UGT1A7: variants seen among roughly 807,000 people sequenced by gnomAD.
UGT1A7 encodes the protein UDP glucuronosyltransferase family 1 member A7.
In UGT1A7, 33 loss-of-function variants were observed where a neutral mutation model predicts 45.6. The ratio of observed to expected loss-of-function variants is 0.72; its 90% CI spans 0.55 to 0.97. UGT1A7 has a LOEUF of 0.97. UGT1A7 is among the 50% of genes least tolerant of loss of function. UGT1A7 has a pLI of 0.00. For synonymous variants in UGT1A7, 274 were observed against 250.6 expected (o/e 1.09, Z -0.88); for missense variants, 684 against 666.2 (o/e 1.03, Z -0.29).
intron 1 of UGT1A7, among the ~76,000 whole-genome samples, chr2:233,721,312 C>T (rs966115699): frequency 1.3e-5 from 2 of 152,056 alleles, no homozygotes; most frequent in Admixed American, 6.5e-5. Context: ...GTGATTGTGG[C>T]TCTTTTCTTG....
chr2:233,772,803 T>C lies in UGT1A7; in HGVS notation c.*244T>C. On this transcript the variant is annotated 3_prime_UTR_variant, in exon 5 of 5. Transcript: ENST00000373426. The stretch of plus-strand genomic sequence containing the variant: ...TTGATCAGGATGACATGTGCCATTT[T>C]TCAGAGGACGTGCAGACAGGCTGGC... 8.8e-7 allele frequency: 1 copy of C among 1,134,554 alleles called. No homozygotes were observed. Among genetic ancestry groups the C allele is most frequent in the Non-Finnish European group, 1.2e-6 (1 of 843,778 alleles). The allele number at this position is 1,134,554 out of a possible 1,614,324, so 70.3% of individuals were successfully genotyped here.
In UGT1A7 at chr2:233,769,362, G is replaced by A. The variant is rs1315939386; in HGVS notation, c.1295+923G>A. On this transcript the variant is annotated intron_variant, in intron 4 of 4. Coordinates refer to ENST00000373426, the MANE Select transcript of UGT1A7 (RefSeq NM_019077.3). The surrounding 1 kb of genome is among the most constrained non-coding windows in gnomAD (Gnocchi z 4.4). ...ACCTTATGGGAAGAAGTGGTGGCCAGTGGTAGATTTCATCCGACAATAGAT... is the reference window on the plus strand; with the variant it reads ...ACCTTATGGGAAGAAGTGGTGGCCAATGGTAGATTTCATCCGACAATAGAT... Among the ~76,000 whole-genome samples, 1 of 152,244 alleles carries A rather than the reference G, an allele frequency of 6.6e-6. No homozygotes were observed.
At chr2:233,753,889 A>G (rs1695337033) in intron 1 of UGT1A7, among the ~76,000 whole-genome samples, 1 of 152,212 alleles carries the variant, frequency 6.6e-6, no homozygotes, top group Non-Finnish European at 1.5e-5. Context: ...AGCCTTCAGA[A>G]GGAACATGCT....
chr2:233,706,171 T>C (rs2125603057), intron 1 of UGT1A7, among the ~76,000 whole-genome samples: 1 of 152,154 alleles, frequency 6.6e-6, no homozygotes, highest in Non-Finnish European at 1.5e-5. Context: ...ATGTGGAATG[T>C]GGTGTGTCTG....
At chr2:233,713,191 T>C in intron 1 of UGT1A7, 1 of 1,614,204 alleles carries the variant, frequency 6.2e-7, no homozygotes, top group Non-Finnish European at 8.5e-7. Flanking sequence ...GAGGTGAATA[T>C]GTACATCAAA....
intron 1 of UGT1A7, among the ~76,000 whole-genome samples, chr2:233,737,707 C>T (rs1200487929): frequency 6.6e-6 from 1 of 152,126 alleles, no homozygotes; most frequent in Non-Finnish European, 1.5e-5. Flanking sequence ...TTCCGTTCTC[C>T]TCTCCAACAC....
intron 3 of UGT1A7, 118 bp from the exon 4 acceptor site, chr2:233,768,102 A>T (rs1036317794): frequency 6.3e-7 from 1 of 1,593,190 alleles, no homozygotes; most frequent in African/African-American, 1.3e-5. Context: ...TCTTCTGCAA[A>T]TTTCTGCAAG....
intron 1 of UGT1A7, chr2:233,690,696 T>C: frequency 8.1e-7 from 1 of 1,237,692 alleles, no homozygotes; most frequent in South Asian, 1.4e-5. Flanking sequence ...GAGCTACTCT[T>C]TAGGGATCGT....
chr2:233,768,589 T>C (rs1575835871), intron 4 of UGT1A7, 150 bp downstream of exon 4: 6 of 1,048,606 alleles, frequency 5.7e-6, no homozygotes, highest in East Asian at 7.5e-5. Flanking sequence ...CTTCTTTTTT[T>C]TTTTTTTTTT....
At chr2:233,693,087 A>G in intron 1 of UGT1A7, 1 of 1,614,160 alleles carries the variant, frequency 6.2e-7, no homozygotes, top group South Asian at 1.1e-5. Flanking sequence ...GTAGGTGACA[A>G]GCTGCTGGTG....
At chr2:233,720,833 G>A in intron 1 of UGT1A7, among the ~76,000 whole-genome samples, 1 of 150,462 alleles carries the variant, frequency 6.6e-6, no homozygotes, top group East Asian at 2.0e-4. Context: ...AGTCTCCTGA[G>A]TAACTGGGAC....
At chr2:233,726,263 T>C (rs2077520511) in intron 1 of UGT1A7, among the ~76,000 whole-genome samples, 1 of 152,204 alleles carries the variant, frequency 6.6e-6, no homozygotes, top group African/African-American at 2.4e-5. Flanking sequence ...TGCAGTGGCA[T>C]GCGCCTATGG....
At chr2:233,768,587 T>C (rs977103062) in intron 4 of UGT1A7, 148 bp downstream of exon 4, 429 of 888,300 alleles carry the variant, frequency 4.8e-4, no homozygotes, top group East Asian at 4.8e-3. Context: ...TTCTTCTTTT[T>C]TTTTTTTTTT....
chr2:233,691,040 C>T, intron 1 of UGT1A7: 1 of 989,328 alleles, frequency 1.0e-6, no homozygotes, highest in Non-Finnish European at 1.2e-6. Flanking sequence ...GACCAACGTC[C>T]ACAGCAGAGT....
intron 1 of UGT1A7, chr2:233,761,044 G>A: frequency 1.9e-6 from 3 of 1,614,190 alleles, no homozygotes; most frequent in Non-Finnish European, 2.5e-6. Context: ...CTCTGCATCT[G>A]TCTGGCTGTT....
intron 1 of UGT1A7, among the ~76,000 whole-genome samples, chr2:233,742,134 C>G (rs1691883024): frequency 6.6e-6 from 1 of 151,870 alleles, no homozygotes; most frequent in African/African-American, 2.4e-5. Flanking sequence ...AGACCCTAAC[C>G]CAGCAGCGCT....
At chr2:233,738,810 A>G (rs1410873326) in intron 1 of UGT1A7, 1 of 152,272 alleles carries the variant, frequency 6.6e-6, no homozygotes. Flanking sequence ...CTAGCTAAAG[A>G]AATTTGAATA....
chr2:233,693,943 C>T (rs933139976), intron 1 of UGT1A7: 30 of 1,600,976 alleles, frequency 1.9e-5, no homozygotes, highest in Non-Finnish European at 2.4e-5. Context: ...CTCCTTGAGC[C>T]GACTGTCCCT....
intron 1 of UGT1A7, among the ~76,000 whole-genome samples, chr2:233,750,311 G>A (rs1694421303): frequency 6.6e-6 from 1 of 151,966 alleles, no homozygotes; most frequent in Admixed American, 6.5e-5. Flanking sequence ...CTAGAGATCT[G>A]TGGAACTTTG....
Sources: allele counts gnomAD v4.1 joint callset (sites outside exome capture counted in the v4.1 genomes callset), GRCh38; gene constraint gnomAD v4.1.1; non-coding constraint Gnocchi (gnomAD v3.1); transcripts MANE v1.5; gene names NCBI Gene and HGNC (gene_info 2026-07-23, HGNC 2026-07-21).